BMP5: variants seen among roughly 807,000 people sequenced by gnomAD.
The protein encoded by BMP5 is bone morphogenetic protein 5.
Under a neutral mutation model 46.6 loss-of-function variants are expected in BMP5, and 23 were observed. The observed-to-expected ratio is 0.49, with a 90% CI of 0.35 to 0.70. The LOEUF is 0.70. BMP5 is among the 30% of genes least tolerant of loss of function. The probability of loss-of-function intolerance (pLI) is 0.00; values close to 1 mark genes in which losing one functional copy is unlikely to be tolerated. For synonymous variants in BMP5, 204 were observed against 191.9 expected, an observed-to-expected ratio of 1.06 and a Z score of -0.52; for missense variants, 545 against 565.6, an observed-to-expected ratio of 0.96 and a Z score of 0.37.
chr6:55,818,849 G>T (rs370534410), intron 2 of BMP5, among the ~76,000 whole-genome samples: 81 of 152,234 alleles, frequency 5.3e-4, no homozygotes, highest in African/African-American at 1.9e-3. Context: ...GGAAGACCTA[G>T]ATGTGAGGAA....
At chr6:55,804,607 G>A (rs1775942251) in intron 2 of BMP5, among the ~76,000 whole-genome samples, 1 of 152,088 alleles carries the variant, frequency 6.6e-6, no homozygotes, top group Non-Finnish European at 1.5e-5. Context: ...ATACTGAGGA[G>A]AATAAGAAGA....
At chr6:55,864,135 C>T (rs190284579) in intron 1 of BMP5, among the ~76,000 whole-genome samples, 4 of 152,126 alleles carry the variant, frequency 2.6e-5, no homozygotes, top group Non-Finnish European at 5.9e-5. Context: ...AAGAGAAAAA[C>T]CTTAAATGGT....
intron 2 of BMP5, among the ~76,000 whole-genome samples, chr6:55,810,865 A>G (rs7775292): frequency 0.2 from 30,559 of 152,114 alleles, 3,191 homozygotes; most frequent in Non-Finnish European, 0.23. Context: ...ACTCCAGCAT[A>G]TCTACGCACT....
chr6:55,797,736 C>T (rs1385322758), intron 2 of BMP5, among the ~76,000 whole-genome samples: 1 of 151,520 alleles, frequency 6.6e-6, no homozygotes, highest in African/African-American at 2.4e-5. Flanking sequence ...CCTGCTTCAG[C>T]CTCCCGAGTA....
At chr6:55,779,785 A>G (rs1018506872) in intron 3 of BMP5, among the ~76,000 whole-genome samples, 4 of 152,052 alleles carry the variant, frequency 2.6e-5, no homozygotes, top group Admixed American at 6.6e-5. Flanking sequence ...CTGTTGCCAG[A>G]GTTAAGTATA....
In BMP5 at chr6:55,855,440, T is replaced by C. The variant is rs112809237; in HGVS notation, c.490+18936A>G. On this transcript the variant is annotated intron_variant, in intron 1 of 6. Transcript: ENST00000370830. Reference sequence around the variant, plus strand: ...ATATTAGATATTAGCATAGAGTTAATGTAGTAATCATTAAAGTGCTAGTGA... The same window carrying C: ...ATATTAGATATTAGCATAGAGTTAACGTAGTAATCATTAAAGTGCTAGTGA... Among the ~76,000 whole-genome samples the C allele has an allele frequency of 4.2e-3, 645 of 152,236 alleles. 6 individuals are homozygous for C. The highest frequency in any genetic ancestry group is 0.015 in the African/African-American group (612 of 41,552).
chr6:55,804,417 C>A (rs530908321), intron 2 of BMP5, among the ~76,000 whole-genome samples: 1 of 152,086 alleles, frequency 6.6e-6, no homozygotes, highest in Non-Finnish European at 1.5e-5. Flanking sequence ...TTGGAGGGTG[C>A]GTGGCCTTAC....
At chr6:55,821,958 T>C (rs1776419373) in intron 1 of BMP5, among the ~76,000 whole-genome samples, 1 of 152,214 alleles carries the variant, frequency 6.6e-6, no homozygotes. Flanking sequence ...GTAGATGACA[T>C]CATGTGACCA....
intron 6 of BMP5, among the ~76,000 whole-genome samples, chr6:55,756,518 C>G (rs1489843390): frequency 2.0e-5 from 3 of 151,996 alleles, no homozygotes; most frequent in Non-Finnish European, 4.4e-5. Flanking sequence ...AGCCAGAACA[C>G]AGTTCCCCCA....
intron 1 of BMP5, among the ~76,000 whole-genome samples, chr6:55,846,995 A>C (rs945324084): frequency 1.3e-5 from 2 of 151,386 alleles, no homozygotes; most frequent in Non-Finnish European, 3.0e-5. Context: ...TAAAATTTCA[A>C]AAAAAAAGGA....
intron 2 of BMP5, among the ~76,000 whole-genome samples, chr6:55,797,382 C>T (rs1006288223): frequency 5.3e-5 from 8 of 151,926 alleles, no homozygotes; most frequent in African/African-American, 1.9e-4. Context: ...TTACAATATC[C>T]AATAAAAGAA....
intron 1 of BMP5, among the ~76,000 whole-genome samples, chr6:55,832,128 A>G (rs895186902): frequency 6.6e-5 from 10 of 152,292 alleles, no homozygotes; most frequent in African/African-American, 1.7e-4. Flanking sequence ...AAAGACTTGA[A>G]CTGTACCTAC....
At chr6:55,796,262 A>C (rs1775710007) in intron 2 of BMP5, among the ~76,000 whole-genome samples, 1 of 152,176 alleles carries the variant, frequency 6.6e-6, no homozygotes, top group African/African-American at 2.4e-5. Flanking sequence ...TAAAGACATG[A>C]AAAACAAAAA....
chr6:55,762,948 C>T (rs1774822780), intron 4 of BMP5, among the ~76,000 whole-genome samples: 1 of 152,002 alleles, frequency 6.6e-6, no homozygotes, highest in African/African-American at 2.4e-5. Flanking sequence ...AGTAAAACTA[C>T]CTATGGATAC....
chr6:55,815,577 C>A (rs1192217466), intron 2 of BMP5, among the ~76,000 whole-genome samples: 1 of 151,906 alleles, frequency 6.6e-6, no homozygotes, highest in Non-Finnish European at 1.5e-5. Context: ...AAAGTCTTAG[C>A]CAAATTATAC....
intron 1 of BMP5, among the ~76,000 whole-genome samples, chr6:55,827,773 T>C (rs113598030): frequency 5.3e-4 from 81 of 152,018 alleles, no homozygotes; most frequent in African/African-American, 1.9e-3. Context: ...GGTACTTGAC[T>C]GATTCATTCT....
intron 1 of BMP5, among the ~76,000 whole-genome samples, chr6:55,837,335 T>TTAGA (rs34459081): frequency 0.22 from 27,817 of 123,872 alleles, 2,738 homozygotes; most frequent in South Asian, 0.29. Flanking sequence ...TAAAACTAAT[T>TTAGA]TAGATAGATA....
At chr6:55,865,961 G>A (rs1002251908) in intron 1 of BMP5, among the ~76,000 whole-genome samples, 2 of 152,156 alleles carry the variant, frequency 1.3e-5, no homozygotes, top group African/African-American at 4.8e-5. Context: ...AGTTAAGGGA[G>A]AACCAAATGA....
intron 1 of BMP5, among the ~76,000 whole-genome samples, chr6:55,856,042 A>G (rs1309786988): frequency 6.6e-6 from 1 of 151,614 alleles, no homozygotes; most frequent in Non-Finnish European, 1.5e-5. Context: ...TTTTGTAGTC[A>G]GTCTTTCACC....
Sources: gnomAD v4.1 joint callset for allele counts (sites outside exome capture counted in the v4.1 genomes callset) on GRCh38, gnomAD v4.1.1 for gene constraint, MANE v1.5 for transcripts, NCBI Gene and HGNC (gene_info 2026-07-23, HGNC 2026-07-21) for gene names.